DCAF6: variants seen among roughly 807,000 people sequenced by gnomAD.
DCAF6 encodes DDB1- and CUL4-associated factor 6.
Under a neutral mutation model 125.1 loss-of-function variants are expected in DCAF6, and 54 were observed. The observed-to-expected ratio is 0.43, with a 90% confidence interval of 0.35 to 0.54. The LOEUF (loss-of-function observed/expected upper bound fraction) is 0.54. Among genes scored for constraint, DCAF6 ranks in the 20% least tolerant of loss-of-function variants. The pLI is 0.01. For missense variants in DCAF6, 934 were observed against 1,161.7 expected (o/e 0.80, Z 2.85); for synonymous variants, 371 against 390.4 (o/e 0.95, Z 0.58).
chr1:167,883,826 T>C, the DCAF6 span, among the ~76,000 whole-genome samples: 2 of 152,230 alleles, frequency 1.3e-5, no homozygotes, highest in African/African-American at 2.4e-5. Context: ...TGGGGACTTA[T>C]GCATGTGCTA....
chr1:167,949,755 C>G (rs1673636458), intron 1 of DCAF6, among the ~76,000 whole-genome samples: 1 of 152,196 alleles, frequency 6.6e-6, no homozygotes, highest in African/African-American at 2.4e-5. Context: ...AGACTCTTCA[C>G]AGCTTTTAAT....
chr1:167,909,172 G>C, the DCAF6 span, among the ~76,000 whole-genome samples: 1 of 152,032 alleles, frequency 6.6e-6, no homozygotes, highest in Non-Finnish European at 1.5e-5. Context: ...TACATATTTT[G>C]TGTTTGTGAT....
chr1:167,900,462 G>C, the DCAF6 span, among the ~76,000 whole-genome samples: 1 of 151,884 alleles, frequency 6.6e-6, no homozygotes, highest in Non-Finnish European at 1.5e-5. Flanking sequence ...AGACTCCTTG[G>C]GTACTAACTT....
chr1:168,032,484 A>G (rs1327853113), intron 12 of DCAF6, among the ~76,000 whole-genome samples: 2 of 152,160 alleles, frequency 1.3e-5, no homozygotes, highest in Non-Finnish European at 2.9e-5. Context: ...TGGTTTAAAA[A>G]CTGTGGTTGA....
At chr1:168,048,338 T>A (rs930856460) in intron 16 of DCAF6, among the ~76,000 whole-genome samples, 14 of 152,234 alleles carry the variant, frequency 9.2e-5, no homozygotes, top group African/African-American at 2.9e-4. Context: ...AAGTGTATAC[T>A]TAATTTGATC....
intron 2 of DCAF6, among the ~76,000 whole-genome samples, chr1:167,960,383 C>T (rs1413967276): frequency 6.6e-6 from 1 of 152,126 alleles, no homozygotes; most frequent in East Asian, 1.9e-4. Flanking sequence ...ACGGCAGCCT[C>T]CACCTCCTGG....
chr1:167,985,801 ACT>A (rs1337298005), intron 4 of DCAF6, among the ~76,000 whole-genome samples: 1 of 152,218 alleles, frequency 6.6e-6, no homozygotes, highest in South Asian at 2.1e-4. Context: ...TATTTGTGCA[ACT>A]TGATTAATTT....
chr1:168,008,726 C>G (rs1339123861), intron 10 of DCAF6, among the ~76,000 whole-genome samples: 5 of 152,234 alleles, frequency 3.3e-5, no homozygotes, highest in African/African-American at 9.6e-5. Flanking sequence ...CCCTGTCTCT[C>G]TAGCCTCATC....
At chr1:167,929,359 C>G in the DCAF6 span, among the ~76,000 whole-genome samples, 1 of 148,750 alleles carries the variant, frequency 6.7e-6, no homozygotes, top group Non-Finnish European at 1.5e-5. Context: ...AACTCCGTCT[C>G]GAAAAAAGAA....
chr1:167,958,327 T>C (rs1281390678), intron 2 of DCAF6, among the ~76,000 whole-genome samples: 3 of 151,768 alleles, frequency 2.0e-5, no homozygotes, highest in African/African-American at 7.3e-5. Context: ...AAAGTAGGGG[T>C]CCAAGGTGTT....
chr1:167,920,091 C>CTGTT, the DCAF6 span: 1 of 1,583,516 alleles, frequency 6.3e-7, no homozygotes. Flanking sequence ...CAAATAAACC[C>CTGTT]TGTTGAAACA....
intron 1 of DCAF6, among the ~76,000 whole-genome samples, chr1:167,939,656 G>C (rs1317354837): frequency 1.3e-5 from 2 of 152,230 alleles, no homozygotes; most frequent in East Asian, 3.9e-4. Context: ...TCAGCTCCTT[G>C]GGAGGCTGAG....
intron 12 of DCAF6, among the ~76,000 whole-genome samples, chr1:168,036,198 C>G (rs901622156): frequency 2.6e-5 from 4 of 152,162 alleles, no homozygotes; most frequent in Admixed American, 6.5e-5. Context: ...CTGCTCTGTT[C>G]TGATCTCTTA....
At chr1:168,005,674 T>G (rs1409920122) in intron 10 of DCAF6, among the ~76,000 whole-genome samples, 2 of 152,180 alleles carry the variant, frequency 1.3e-5, no homozygotes, top group Non-Finnish European at 2.9e-5. Flanking sequence ...ACAGCTTAGC[T>G]GCCAAGCTGT....
rs111963033 is a variant in DCAF6 at position 168,003,968 on chromosome 1, C to T, written c.1096C>T (p.Arg366Ter). The T allele has an allele frequency of 6.2e-7, 1 of 1,612,130 alleles. No individual in the cohort carries two copies. The highest frequency in any genetic ancestry group is 8.5e-7 in the Non-Finnish European group (1 of 1,179,000). ...ASEVAQSNRG[R>*]GRSRPRGGTS... ...TGAGGTTGCACAAAGCAATAGAGGA[C>T]GAGGAAGATCTCGACCCAGAGGTAA... Residue 366 changes from arginine (R) to a stop codon, truncating the protein, a stop_gained, in exon 9 of 22, where the codon CGA becomes TGA. Transcript: ENST00000367840. LOFTEE classifies it high-confidence loss of function.
chr1:168,066,605 A>C, intron 20 of DCAF6, 140 bp downstream of exon 20: 1 of 561,634 alleles, frequency 1.8e-6, no homozygotes, highest in Non-Finnish European at 3.2e-6. Context: ...AGAAAAAGAA[A>C]AATTAAGATA....
intron 16 of DCAF6, 31 bp from the exon 17 acceptor site, chr1:168,050,861 G>A: frequency 1.6e-6 from 2 of 1,256,536 alleles, no homozygotes; most frequent in South Asian, 2.5e-5. Flanking sequence ...GTCTTTGTAA[G>A]TGATTTCAGT....
At chr1:167,990,211 T>A (rs1680635120) in intron 5 of DCAF6, among the ~76,000 whole-genome samples, 1 of 152,050 alleles carries the variant, frequency 6.6e-6, no homozygotes, top group African/African-American at 2.4e-5. Context: ...AAAATTTTTT[T>A]TAAAAAATTA....
the DCAF6 span, among the ~76,000 whole-genome samples, chr1:167,902,843 G>A: frequency 2.6e-5 from 4 of 152,244 alleles, no homozygotes; most frequent in African/African-American, 9.6e-5. Flanking sequence ...CACTCTAAGT[G>A]CTTCAGCATC....
Sources: allele counts gnomAD v4.1 joint callset (sites outside exome capture counted in the v4.1 genomes callset), GRCh38; gene constraint gnomAD v4.1.1; transcripts MANE v1.5; gene names NCBI Gene and HGNC (gene_info 2026-07-23, HGNC 2026-07-21).